Variants in SRP72 observed in about 807,000 individuals in gnomAD.
SRP72 encodes the protein signal recognition particle 72, also known as signal recognition particle subunit SRP72.
In SRP72, 49 loss-of-function variants were observed where a neutral mutation model predicts 96.3. The observed-to-expected ratio is 0.51, with a 90% CI of 0.40 to 0.65. The LOEUF is 0.65. Ranked by LOEUF, SRP72 falls within the 30% of genes least tolerant of loss-of-function variation. The pLI is 0.00. For synonymous variants in SRP72, 267 were observed against 275.2 expected, an observed-to-expected ratio of 0.97 and a Z score of 0.30; for missense variants, 736 against 793.3, an observed-to-expected ratio of 0.93 and a Z score of 0.87.
At position 56,476,826 on chromosome 4, in the gene SRP72, C is replaced by T. The variant is rs1054887060; in HGVS notation, c.642+124C>T. 4.4e-6 allele frequency: 4 copies of T among 908,928 alleles called. No homozygotes were observed. In the African/African-American group the frequency reaches 6.7e-5, roughly 15 times the overall value. 56.3% of individuals were successfully genotyped at this position (908,928 alleles called of 1,614,324 possible). A position where few individuals can be genotyped will look rare whatever the true frequency, so the allele number is the denominator to read the frequency against. On this transcript the variant is annotated intron_variant, in intron 6 of 18. Coordinates refer to ENST00000642900, the MANE Select transcript of SRP72 (RefSeq NM_006947.4). Reference sequence around the variant, plus strand: ...GGCAATTCATTAAGTAGGAATCACACTAGAAACCACCCTCTAGTATCAGTT... The same window carrying T: ...GGCAATTCATTAAGTAGGAATCACATTAGAAACCACCCTCTAGTATCAGTT...
At position 56,502,451 on chromosome 4, in the gene SRP72, G is replaced by A. The variant is rs1285379034; in HGVS notation, c.*590G>A. On this transcript the variant is annotated 3_prime_UTR_variant, in exon 19 of 19. Coordinates refer to ENST00000642900, the MANE Select transcript of SRP72 (RefSeq NM_006947.4). ...TCTGTCATGTGATACTGGAATATGG[G>A]ATACTTTTCATGTTTATATATATAT... 1 of 139,652 alleles carries A rather than the reference G, an allele frequency of 7.2e-6. No homozygotes were observed. Among genetic ancestry groups the A allele is most frequent in the Non-Finnish European group, 1.5e-5 (1 of 65,264 alleles). The allele number at this position is 139,652 out of a possible 1,614,324, so 8.7% of individuals were successfully genotyped here. A position where few individuals can be genotyped will look rare whatever the true frequency, so the allele number is the denominator to read the frequency against.
Position 56,490,392 on chromosome 4 carries a change from T to C in SRP72, c.1380T>C (p.Tyr460=), listed in dbSNP as rs73818109. ...AAGCTGCAAACTTCAAACTCAAATATGGGCGGAAGAAGGAGGCAATTAGTG... is the reference window on the plus strand; with the variant it reads ...AAGCTGCAAACTTCAAACTCAAATACGGGCGGAAGAAGGAGGCAATTAGTG... ...IREAANFKLK[Y]GRKKEAISDL... is the part of the protein sequence containing the mutation. Residue 460 remains tyrosine (Y), a synonymous_variant, in exon 14 of 19, where the codon TAT becomes TAC. Transcript: ENST00000642900. 1.7e-3 allele frequency: 2,745 copies of C among 1,614,046 alleles called. 19 individuals are homozygous for C. In the African/African-American group the frequency reaches 0.021, roughly 13 times the overall value.
chr4:56,490,696 T>A (rs1489204658), intron 15 of SRP72, 51 bp downstream of exon 15: 1 of 1,420,824 alleles, frequency 7.0e-7, no homozygotes, highest in Non-Finnish European at 9.8e-7. Flanking sequence ...ACAATAGATC[T>A]CTTCTGATAT....
intron 5 of SRP72, 96 bp downstream of exon 5, chr4:56,474,487 A>G (rs1720127909): frequency 1.9e-6 from 2 of 1,053,646 alleles, no homozygotes; most frequent in Non-Finnish European, 2.8e-6. Flanking sequence ...AAATTATTAA[A>G]TGGAAGTTAT....
In SRP72 at chr4:56,503,281, T is replaced by C. The variant is rs895358705; in HGVS notation, c.*1420T>C. The C allele has an allele frequency of 6.6e-6, 1 of 152,178 alleles. No individual in the cohort carries two copies. The highest frequency in any genetic ancestry group is 1.5e-5 in the Non-Finnish European group (1 of 68,014). 9.4% of individuals were successfully genotyped at this position (152,178 alleles called of 1,614,324 possible). On this transcript the variant is annotated 3_prime_UTR_variant, in exon 19 of 19. Transcript: ENST00000642900. ...TTTTGAGCTCTACAGAGAACAGTCTTTTGGTAATAGTGGCAGGTATTTATT... is the reference window on the plus strand; with the variant it reads ...TTTTGAGCTCTACAGAGAACAGTCTCTTGGTAATAGTGGCAGGTATTTATT...
chr4:56,494,421 T>A (rs949239548), intron 16 of SRP72, among the ~76,000 whole-genome samples: 7 of 151,760 alleles, frequency 4.6e-5, no homozygotes, highest in African/African-American at 7.3e-5. Context: ...TTTTTTTTTT[T>A]TGAGACGGAG....
At chr4:56,497,220 A>AT (rs200922140) in intron 17 of SRP72, among the ~76,000 whole-genome samples, 31 of 145,596 alleles carry the variant, frequency 2.1e-4, no homozygotes, top group South Asian at 8.7e-4. Flanking sequence ...TATTTTATTT[A>AT]TTTATTTTTT....
intron 17 of SRP72, among the ~76,000 whole-genome samples, chr4:56,500,101 A>G (rs980679480): frequency 3.3e-5 from 5 of 152,198 alleles, no homozygotes; most frequent in Non-Finnish European, 5.9e-5. Context: ...AGTCTCAGCA[A>G]ACTAACACAG....
intron 6 of SRP72, among the ~76,000 whole-genome samples, chr4:56,477,736 C>T (rs1720304415): frequency 6.6e-6 from 1 of 152,178 alleles, no homozygotes; most frequent in African/African-American, 2.4e-5. Context: ...CATTAAAGGA[C>T]TGTTGTCTCC....
At chr4:56,488,107 T>TAA (rs1720782716) in intron 12 of SRP72, 94 bp downstream of exon 12, 1 of 816,360 alleles carries the variant, frequency 1.2e-6, no homozygotes, top group Non-Finnish European at 1.9e-6. Context: ...GAATGTGTAT[T>TAA]CACTTTAAGG....
chr4:56,487,810 A>G (rs988870838), intron 11 of SRP72, 139 bp from the exon 12 acceptor site: 1 of 625,460 alleles, frequency 1.6e-6, no homozygotes, highest in Admixed American at 3.6e-5. Context: ...CCCAAAGTTT[A>G]TATGTTTAGC....
intron 16 of SRP72, among the ~76,000 whole-genome samples, chr4:56,492,351 C>T (rs1034914559): frequency 1.3e-5 from 2 of 152,088 alleles, no homozygotes; most frequent in Non-Finnish European, 2.9e-5. Flanking sequence ...AAAGGTTAGT[C>T]GGCTTCATCT....
rs1006332891 is a variant in SRP72, at chr4:56,470,796, A to G, written c.231-924A>G. Among the ~76,000 whole-genome samples, 6 of 152,078 alleles carry G rather than the reference A, an allele frequency of 3.9e-5. No homozygotes were observed. The South Asian group carries it at 6.2e-4, about 16-fold the overall frequency. ...ATTTTGTGAGAAAAGAGACATTTTC[A>G]AAAACATTTTGTCAATGAGTCTTGG... On this transcript the variant is annotated intron_variant, in intron 2 of 18. Transcript: ENST00000642900.
Position 56,502,573 on chromosome 4 carries a change from C to T in SRP72, c.*712C>T, listed in dbSNP as rs1445940511. ...CCATGTCATTTTCAGATTATGGTAG[C>T]ATGCTGATACAGCACCATGAAAGAA... On this transcript the variant is annotated 3_prime_UTR_variant, in exon 19 of 19. Coordinates refer to ENST00000642900, the MANE Select transcript of SRP72 (RefSeq NM_006947.4). The T allele has an allele frequency of 1.3e-5, 2 of 149,080 alleles. No homozygotes were observed. Among genetic ancestry groups the T allele is most frequent in the African/African-American group, 4.9e-5 (2 of 40,638 alleles). The allele number at this position is 149,080 out of a possible 1,614,324, so 9.2% of individuals were successfully genotyped here.
chr4:56,473,029 C>G (rs1409030778), intron 3 of SRP72, among the ~76,000 whole-genome samples: 1 of 152,038 alleles, frequency 6.6e-6, no homozygotes, highest in African/African-American at 2.4e-5. Flanking sequence ...AACATTAAGT[C>G]TTTTTCTTAA....
chr4:56,478,154 C>A (rs7690100), intron 6 of SRP72, among the ~76,000 whole-genome samples: 17,657 of 115,478 alleles, frequency 0.15, 1,235 homozygotes, highest in Admixed American at 0.29. Flanking sequence ...TTTGCCTTTT[C>A]TTTTTTTTTT....
intron 16 of SRP72, among the ~76,000 whole-genome samples, chr4:56,494,551 G>A (rs1487282909): frequency 2.6e-5 from 4 of 151,852 alleles, no homozygotes; most frequent in Admixed American, 6.6e-5. Flanking sequence ...TTACAGGCAC[G>A]CACTGCCACA....
At position 56,469,637 on chromosome 4, in the gene SRP72, T is replaced by A; in HGVS notation, c.110-16T>A. The A allele has an allele frequency of 6.5e-7, 1 of 1,536,988 alleles. No homozygotes were observed. The highest frequency in any genetic ancestry group is 1.8e-5 in the Admixed American group (1 of 56,750). On this transcript the variant is annotated splice_polypyrimidine_tract_variant and intron_variant, in intron 1 of 18. Transcript: ENST00000642900. The stretch of plus-strand genomic sequence containing the variant: ...AAATGGATTTAAAAATGACTTTTCC[T>A]AAAATTGTTCTCTAGTACTACAGAT...
In SRP72 at chr4:56,490,193, G is replaced by T. The variant is rs561822074; in HGVS notation, c.1321-140G>T. ...TTCCTCTACATGTGTGGATGATTTT[G>T]TTGTTTCAGGCATTCAGTGAAACTT... On this transcript the variant is annotated intron_variant, in intron 13 of 18. Coordinates refer to ENST00000642900, the MANE Select transcript of SRP72 (RefSeq NM_006947.4). 40 of 631,100 alleles carry T rather than the reference G, an allele frequency of 6.3e-5. No homozygotes were observed. In the East Asian group the frequency reaches 1.1e-3, roughly 17 times the overall value. 39.1% of individuals were successfully genotyped at this position (631,100 alleles called of 1,614,324 possible).
Sources: allele counts gnomAD v4.1 joint callset (sites outside exome capture counted in the v4.1 genomes callset), GRCh38; gene constraint gnomAD v4.1.1; transcripts MANE v1.5; gene names NCBI Gene and HGNC (gene_info 2026-07-23, HGNC 2026-07-21).